Variants in COL21A1 observed in about 807,000 individuals in gnomAD.
The protein encoded by COL21A1 is collagen alpha-1(XXI) chain.
A neutral mutation model predicts 137.9 loss-of-function variants in COL21A1; 149 were observed. That is an observed-to-expected ratio of 1.08 (90% confidence interval 0.95 to 1.24). The LOEUF is 1.24. Among genes scored for constraint, COL21A1 ranks in the 50% most tolerant of loss-of-function variants. The probability of loss-of-function intolerance (pLI) is 0.00; values close to 1 mark genes in which losing one functional copy is unlikely to be tolerated. For missense variants in COL21A1, 1,167 were observed against 1,158.4 expected, an observed-to-expected ratio of 1.01 and a Z score of -0.11; for synonymous variants, 456 against 391.5, an observed-to-expected ratio of 1.16 and a Z score of -1.95.
intron 1 of COL21A1, among the ~76,000 whole-genome samples, chr6:56,239,806 C>T (rs1006988139): frequency 1.2e-4 from 18 of 152,070 alleles, no homozygotes; most frequent in African/African-American, 2.9e-4. Context: ...TTGTATTAAG[C>T]GGTGAGGCCT....
intron 1 of COL21A1, among the ~76,000 whole-genome samples, chr6:56,187,127 C>T (rs964947803): frequency 1.3e-5 from 2 of 152,174 alleles, no homozygotes; most frequent in Non-Finnish European, 2.9e-5. Context: ...AGGGCGAAAT[C>T]TGGTGAGGAC....
chr6:56,167,532 G>C (rs1776689125), intron 6 of COL21A1, among the ~76,000 whole-genome samples: 1 of 152,152 alleles, frequency 6.6e-6, no homozygotes, highest in Non-Finnish European at 1.5e-5. Flanking sequence ...TCCTTTAATA[G>C]AAACAGTGCA....
intron 23 of COL21A1, 99 bp from the exon 24 acceptor site, chr6:56,064,721 C>T (rs578025904): frequency 4.6e-5 from 30 of 648,612 alleles, no homozygotes; most frequent in African/African-American, 3.0e-4. Flanking sequence ...CCAGAAGAAA[C>T]GTAACAAAAG....
intron 1 of COL21A1, among the ~76,000 whole-genome samples, chr6:56,378,910 T>A (rs2094004332): frequency 6.6e-6 from 1 of 152,110 alleles, no homozygotes; most frequent in Non-Finnish European, 1.5e-5. Flanking sequence ...TGGGAGAAAG[T>A]AAGAAAATAA....
At chr6:56,253,545 A>G (rs549990825) in intron 1 of COL21A1, among the ~76,000 whole-genome samples, 2 of 152,324 alleles carry the variant, frequency 1.3e-5, no homozygotes, top group South Asian at 2.1e-4. Context: ...AAAACAAGCT[A>G]CTGACATCAT....
At position 56,179,797 on chromosome 6, in the gene COL21A1, C is replaced by T. The variant is rs902837529; in HGVS notation, c.421G>A (p.Val141Ile). 1.1e-5 allele frequency: 18 copies of T among 1,613,886 alleles called. No individual in the cohort carries two copies. The highest frequency in any genetic ancestry group is 1.2e-5 in the Non-Finnish European group (14 of 1,179,824). Residue 141 changes from valine to isoleucine, a missense_variant, in exon 3 of 30, where the codon GTA becomes ATA. By Grantham distance (29) the Val-to-Ile change is conservative. Coordinates refer to ENST00000244728, the MANE Select transcript of COL21A1 (RefSeq NM_030820.4). ...SSRFLTKIAVVLTDGKSQDDV... is the reference protein window; with the variant it reads ...SSRFLTKIAVILTDGKSQDDV... ...TCTTGGGATTTGCCATCCGTAAGTA[C>T]CACTGCTATCTTAGTCAGAAATCGT...
At chr6:56,116,005 G>C (rs914630848) in intron 16 of COL21A1, among the ~76,000 whole-genome samples, 3 of 151,806 alleles carry the variant, frequency 2.0e-5, no homozygotes, top group African/African-American at 7.3e-5. Flanking sequence ...ATAAATGATA[G>C]AGTATGCCTA....
chr6:56,059,794 T>G (rs1765636322), intron 28 of COL21A1, among the ~76,000 whole-genome samples: 1 of 152,196 alleles, frequency 6.6e-6, no homozygotes, highest in South Asian at 2.1e-4. Context: ...CAACATTTTC[T>G]AATTTGTAAG....
chr6:56,377,625 C>G (rs1450685976), intron 1 of COL21A1, among the ~76,000 whole-genome samples: 1 of 152,050 alleles, frequency 6.6e-6, no homozygotes, highest in Non-Finnish European at 1.5e-5. Flanking sequence ...CTCTGGGGGT[C>G]TAAATAAACT....
chr6:56,173,802 T>C (rs1319613350), intron 3 of COL21A1, among the ~76,000 whole-genome samples: 1 of 152,054 alleles, frequency 6.6e-6, no homozygotes, highest in African/African-American at 2.4e-5. Flanking sequence ...AGAAGATCAA[T>C]AAGGAAATAG....
At chr6:56,377,735 C>G (rs1242830727) in intron 1 of COL21A1, among the ~76,000 whole-genome samples, 1 of 152,128 alleles carries the variant, frequency 6.6e-6, no homozygotes, top group Non-Finnish European at 1.5e-5. Context: ...AAGACACCAG[C>G]TGCGGCAACT....
At chr6:56,305,737 T>C (rs1166491689) in intron 1 of COL21A1, among the ~76,000 whole-genome samples, 5 of 152,054 alleles carry the variant, frequency 3.3e-5, no homozygotes, top group African/African-American at 1.2e-4. Flanking sequence ...CATTTACATT[T>C]AAGGTTAATA....
chr6:56,094,636 C>G (rs574040234), intron 17 of COL21A1, among the ~76,000 whole-genome samples: 1 of 152,276 alleles, frequency 6.6e-6, no homozygotes, highest in South Asian at 2.1e-4. Context: ...AGTCAGGGTT[C>G]CAGCAGAGAA....
At chr6:56,348,410 C>T (rs963609670) in intron 1 of COL21A1, among the ~76,000 whole-genome samples, 9 of 152,122 alleles carry the variant, frequency 5.9e-5, no homozygotes, top group Non-Finnish European at 1.3e-4. Context: ...ACTTTTGTCC[C>T]CTGGAAACAC....
At chr6:56,109,620 G>A (rs1045672357) in intron 16 of COL21A1, among the ~76,000 whole-genome samples, 1 of 151,868 alleles carries the variant, frequency 6.6e-6, no homozygotes, top group Non-Finnish European at 1.5e-5. Context: ...ATTCTGCAGT[G>A]CTTGATTTCA....
At position 56,086,711 on chromosome 6, in the gene COL21A1, C is replaced by T. The variant is rs570995812; in HGVS notation, c.1813-9138G>A. 5.2e-4 allele frequency among the ~76,000 whole-genome samples: 79 copies of T among 152,158 alleles called. 2 individuals are homozygous for T. The South Asian group carries it at 0.016, about 31-fold the overall frequency. On this transcript the variant is annotated intron_variant, in intron 17 of 29. Transcript: ENST00000244728. Reference sequence around the variant, plus strand: ...CGCACTGGGTGTAATTTTGTGAAAGCACACTGTAATTTCTGCCCGATTTTT... The same window carrying T: ...CGCACTGGGTGTAATTTTGTGAAAGTACACTGTAATTTCTGCCCGATTTTT...
intron 24 of COL21A1, 89 bp downstream of exon 24, chr6:56,064,489 C>A: frequency 1.2e-6 from 1 of 859,590 alleles, no homozygotes; most frequent in South Asian, 1.5e-5. Flanking sequence ...TCTCCCCACC[C>A]ATTTTTATTT....
chr6:56,323,062 A>C (rs925587091), intron 1 of COL21A1, among the ~76,000 whole-genome samples: 1 of 152,090 alleles, frequency 6.6e-6, no homozygotes, highest in African/African-American at 2.4e-5. Flanking sequence ...AATATTACCT[A>C]TTGGGTACAA....
chr6:56,259,328 A>G (rs1006990547), intron 1 of COL21A1, among the ~76,000 whole-genome samples: 1 of 152,030 alleles, frequency 6.6e-6, no homozygotes, highest in African/African-American at 2.4e-5. Context: ...CACTCCCTCC[A>G]TCTCCATTTG....
Sources: allele counts gnomAD v4.1 joint callset (sites outside exome capture counted in the v4.1 genomes callset), GRCh38; gene constraint gnomAD v4.1.1; transcripts MANE v1.5; gene names NCBI Gene and HGNC (gene_info 2026-07-23, HGNC 2026-07-21).